The following IMPG2 variants were observed in gnomAD, a reference collection of about 807,000 sequenced individuals.
IMPG2 encodes the protein IPM 200.
IMPG2 carries 91 observed loss-of-function variants against 129.2 expected under a neutral mutation model. The observed-to-expected ratio is 0.70, with a 90% CI of 0.59 to 0.84. The LOEUF is 0.84. Among genes scored for constraint, IMPG2 ranks in the 40% least tolerant of loss-of-function variants. The probability of loss-of-function intolerance (pLI) is 0.00; values close to 1 mark genes in which losing one functional copy is unlikely to be tolerated. For missense variants in IMPG2, 1,430 were observed against 1,461.7 expected, an observed-to-expected ratio of 0.98 and a Z score of 0.35; for synonymous variants, 510 against 517.7, an observed-to-expected ratio of 0.99 and a Z score of 0.20.
At position 101,319,668 on chromosome 3, in the gene IMPG2, G is replaced by C. The variant is rs375330175; in HGVS notation, c.250C>G (p.Leu84Val). 35 of 1,613,578 alleles carry C rather than the reference G, an allele frequency of 2.2e-5. No homozygotes were observed. Among genetic ancestry groups the C allele is most frequent in the Non-Finnish European group, 2.8e-5 (33 of 1,179,796 alleles). Reference sequence around the variant, plus strand: ...CAGATTTTCACTCCATTAGGAAACAGAATAGATCTCCGCCTTCTGATTAAC... The same window carrying C: ...CAGATTTTCACTCCATTAGGAAACACAATAGATCTCCGCCTTCTGATTAAC... ...QWLIRRRRSI[L>V]FPNGVKICPD... Residue 84 changes from leucine (L) to valine (V), a missense_variant, in exon 2 of 19, where the codon CTG (leucine) becomes GTG (valine). By Grantham distance (32) the Leu-to-Val change is conservative. Transcript: ENST00000193391.
chr3:101,265,517 C>A (rs1706713155), intron 9 of IMPG2, among the ~76,000 whole-genome samples: 1 of 152,044 alleles, frequency 6.6e-6, no homozygotes, highest in Non-Finnish European at 1.5e-5. Flanking sequence ...AAACTAGACC[C>A]CTCAGCTCTC....
intron 3 of IMPG2, among the ~76,000 whole-genome samples, chr3:101,294,146 A>G (rs1707051998): frequency 6.6e-6 from 1 of 152,166 alleles, no homozygotes; most frequent in Non-Finnish European, 1.5e-5. Flanking sequence ...ACGTAGGTAT[A>G]CATGTGCCAT....
chr3:101,238,973 C>T (rs140515257), intron 14 of IMPG2, among the ~76,000 whole-genome samples: 2,824 of 152,148 alleles, frequency 0.019, 82 homozygotes, highest in African/African-American at 0.065. Context: ...TTCAGAAGAC[C>T]CATCTCATGT....
At chr3:101,315,883 C>A (rs1012335018) in intron 2 of IMPG2, among the ~76,000 whole-genome samples, 1 of 150,168 alleles carries the variant, frequency 6.7e-6, no homozygotes, top group African/African-American at 2.5e-5. Context: ...GATTCAAGAC[C>A]TATAATAAAG....
chr3:101,306,336 A>G (rs1285724496), intron 2 of IMPG2, among the ~76,000 whole-genome samples: 1 of 152,228 alleles, frequency 6.6e-6, no homozygotes, highest in Non-Finnish European at 1.5e-5. Context: ...ATGTATGAGT[A>G]TTGAAAGTTT....
chr3:101,254,891 G>A (rs574799247), intron 10 of IMPG2, among the ~76,000 whole-genome samples: 10 of 151,928 alleles, frequency 6.6e-5, no homozygotes, highest in African/African-American at 2.4e-4. Context: ...TTGTTTAAAA[G>A]TGTGTGGCAC....
Position 101,300,752 on chromosome 3 carries a change from T to G in IMPG2, c.501+3394A>C, listed in dbSNP as rs140972965. Reference sequence around the variant, plus strand: ...CAGGATTCACATGCTGTTATGGTTCTTTTAGATGGAGCCACAGATTGCCAC... The same window carrying G: ...CAGGATTCACATGCTGTTATGGTTCGTTTAGATGGAGCCACAGATTGCCAC... On this transcript the variant is annotated intron_variant, in intron 3 of 18. Transcript: ENST00000193391. Among the ~76,000 whole-genome samples, 1,078 of 152,350 alleles carry G rather than the reference T, an allele frequency of 7.1e-3. 13 individuals carry two copies. Among genetic ancestry groups the G allele is most frequent in the African/African-American group, 0.025 (1,023 of 41,580 alleles).
intron 3 of IMPG2, among the ~76,000 whole-genome samples, chr3:101,299,699 C>T (rs1352496134): frequency 6.6e-6 from 1 of 152,108 alleles, no homozygotes; most frequent in Non-Finnish European, 1.5e-5. Context: ...CTGTTCAGGC[C>T]CTACTCATCT....
At position 101,245,942 on chromosome 3, in the gene IMPG2, G is replaced by C; in HGVS notation, c.1403C>G (p.Ser468Trp). 3 of 1,614,128 alleles carry C rather than the reference G, an allele frequency of 1.9e-6. No homozygotes were observed. The highest frequency in any genetic ancestry group is 2.5e-6 in the Non-Finnish European group (3 of 1,180,020). The change falls in exon 12 of 19, where the codon TCG (serine) becomes TGG (tryptophan). Residue 468 changes from serine (S) to tryptophan (W), a missense_variant. Coordinates refer to ENST00000193391, the MANE Select transcript of IMPG2 (RefSeq NM_016247.4). ...TGGGGAAGAGCTGAGGCCCATCTTCGAGGGAAAGGCTAATTTGTGTGTAGA... is the reference window on the plus strand; with the variant it reads ...TGGGGAAGAGCTGAGGCCCATCTTCCAGGGAAAGGCTAATTTGTGTGTAGA... The part of the protein sequence containing the change: ...LVSTHKLAFP[S>W]KMGLSSSPEV...
At chr3:101,292,414 C>A (rs773633407) in intron 3 of IMPG2, among the ~76,000 whole-genome samples, 17 of 152,150 alleles carry the variant, frequency 1.1e-4, no homozygotes, top group Non-Finnish European at 1.9e-4. Context: ...GTTATGCTTA[C>A]ATTATACTGT....
chr3:101,267,467 T>A, intron 9 of IMPG2, 44 bp downstream of exon 9: 1 of 1,557,636 alleles, frequency 6.4e-7, no homozygotes, highest in South Asian at 1.1e-5. Flanking sequence ...TTTACTAAAC[T>A]GTCTCCCAAT....
chr3:101,262,053 C>A (rs1706676693), intron 9 of IMPG2, among the ~76,000 whole-genome samples: 1 of 152,056 alleles, frequency 6.6e-6, no homozygotes, highest in Non-Finnish European at 1.5e-5. Context: ...TCTTTCTCCT[C>A]AGATGCCCTG....
chr3:101,262,647 A>G (rs1456698797), intron 9 of IMPG2, among the ~76,000 whole-genome samples: 1 of 151,948 alleles, frequency 6.6e-6, no homozygotes, highest in African/African-American at 2.4e-5. Context: ...AGGAACAAAG[A>G]ATATACAAAA....
At chr3:101,266,738 C>T (rs1455549904) in intron 9 of IMPG2, among the ~76,000 whole-genome samples, 2 of 152,134 alleles carry the variant, frequency 1.3e-5, no homozygotes, top group Admixed American at 6.6e-5. Flanking sequence ...CTTGAGATAG[C>T]CACTGGAACA....
intron 12 of IMPG2, 139 bp from the exon 13 acceptor site, chr3:101,244,926 C>A: frequency 1.4e-6 from 1 of 707,304 alleles, no homozygotes; most frequent in Admixed American, 2.2e-5. Flanking sequence ...CTATATCTAG[C>A]AAACAACAAG....
At position 101,244,108 on chromosome 3, in the gene IMPG2, G is replaced by A; in HGVS notation, c.2223C>T (p.Ala741=). ...ASTDKSDQAD[A]ILREDMEQIT... is the part of the protein sequence containing the mutation. ...TTTGTTCCATATCCTCCCTTAGGAT[G>A]GCATCTGCCTGATCTGATTTATCAG... Residue 741 remains alanine (A), a synonymous_variant, in exon 13 of 19, where the codon GCC becomes GCT. Transcript: ENST00000193391. 1 of 1,614,002 alleles carries A rather than the reference G, an allele frequency of 6.2e-7. No homozygotes were observed. Among genetic ancestry groups the A allele is most frequent in the Admixed American group, 1.7e-5 (1 of 60,020 alleles).
chr3:101,244,136 G>A lies in IMPG2; in HGVS notation c.2195C>T (p.Ser732Phe), dbSNP rs762698931. 3.1e-6 allele frequency: 5 copies of A among 1,613,948 alleles called. No individual in the cohort carries two copies. The African/African-American group carries it at 5.3e-5, about 17-fold the overall frequency. The change falls in exon 13 of 19, where the codon TCT becomes TTT. Residue 732 changes from serine (S) to phenylalanine (F), a missense_variant. By Grantham distance (155) the Ser-to-Phe change is radical. Transcript: ENST00000193391. ...ATCTGCCTGATCTGATTTATCAGTA[G>A]AGGCAGAGATTGCTACAGATGTCAG... The part of the protein sequence containing the change: ...LILTSVAISA[S>F]TDKSDQADAI...
At chr3:101,233,479 A>G (rs574605715) in intron 14 of IMPG2, among the ~76,000 whole-genome samples, 4 of 152,316 alleles carry the variant, frequency 2.6e-5, no homozygotes, top group African/African-American at 9.6e-5. Context: ...TAGGAGCCTC[A>G]GGGATGGGTA....
Position 101,229,509 on chromosome 3 carries a change from A to G in IMPG2, c.3504T>C (p.Ala1168=). 1 of 1,613,902 alleles carries G rather than the reference A, an allele frequency of 6.2e-7. No homozygotes were observed. The highest frequency in any genetic ancestry group is 2.2e-5 in the East Asian group (1 of 44,870). Residue 1168 remains alanine (A), a synonymous_variant, in exon 17 of 19, where the codon GCT becomes GCC. Transcript: ENST00000193391. ...AGGGTCCCTCATACTTCTCACATCCAGCCCTGTGACTTTCATACACGGGGT... is the reference window on the plus strand; with the variant it reads ...AGGGTCCCTCATACTTCTCACATCCGGCCCTGTGACTTTCATACACGGGGT... ...KYNPVYESHR[A]GCEKYEGPYP...
Sources: gnomAD v4.1 joint callset for allele counts (sites outside exome capture counted in the v4.1 genomes callset) on GRCh38, gnomAD v4.1.1 for gene constraint, MANE v1.5 for transcripts, NCBI Gene and HGNC (gene_info 2026-07-23, HGNC 2026-07-21) for gene names.